Variants in NXPH2 observed in about 807,000 individuals in gnomAD.
NXPH2 encodes neurexophilin 2.
NXPH2 carries 5 observed loss-of-function variants against 19.8 expected under a neutral mutation model. The observed-to-expected ratio is 0.25, with a 90% CI of 0.13 to 0.53. The LOEUF (loss-of-function observed/expected upper bound fraction) is 0.53, where lower values mean the gene tolerates loss of function less well. Among genes scored for constraint, NXPH2 ranks in the 20% least tolerant of loss-of-function variants. The pLI, the probability that NXPH2 is intolerant of heterozygous loss-of-function variation, is 0.96. For missense variants in NXPH2, 289 were observed against 322.8 expected, an observed-to-expected ratio of 0.90 and a Z score of 0.80; for synonymous variants, 154 against 127.4, an observed-to-expected ratio of 1.21 and a Z score of -1.41.
At position 138,669,781 on chromosome 2, in the gene NXPH2, A is replaced by T. The variant is rs868279093; in HGVS notation, c.*1141T>A. 4.6e-5 allele frequency among the ~76,000 whole-genome samples: 7 copies of T among 152,232 alleles called. No individual in the cohort carries two copies. The highest frequency in any genetic ancestry group is 1.7e-4 in the African/African-American group (7 of 41,456). On this transcript the variant is annotated 3_prime_UTR_variant, in exon 2 of 2. Transcript: ENST00000272641. ...CACAGGGAAGATGAGAAGGGCACTG[A>T]CTGTGAAGTGACATTAATTTGAAAG...
intron 1 of NXPH2, among the ~76,000 whole-genome samples, chr2:138,713,247 T>C (rs1681132402): frequency 6.6e-6 from 1 of 152,180 alleles, no homozygotes; most frequent in South Asian, 2.1e-4. Context: ...TGACCTCCCT[T>C]GATTCAAGCA....
At chr2:138,716,364 T>G (rs1180338570) in intron 1 of NXPH2, among the ~76,000 whole-genome samples, 1 of 152,112 alleles carries the variant, frequency 6.6e-6, no homozygotes, top group Admixed American at 6.5e-5. Flanking sequence ...AAACTAGTGC[T>G]CTTATAAAAA....
chr2:138,677,765 T>C (rs1290594864), intron 1 of NXPH2, among the ~76,000 whole-genome samples: 1 of 152,226 alleles, frequency 6.6e-6, no homozygotes, highest in Admixed American at 6.5e-5. Context: ...CTGCAAACAT[T>C]ATATCAGAAG....
chr2:138,763,917 G>C (rs1261402920), intron 1 of NXPH2, among the ~76,000 whole-genome samples: 1 of 152,088 alleles, frequency 6.6e-6, no homozygotes, highest in South Asian at 2.1e-4. Context: ...TCTCTCAATA[G>C]TTCATTCATT....
chr2:138,707,667 T>C (rs1681038464), intron 1 of NXPH2, among the ~76,000 whole-genome samples: 1 of 152,206 alleles, frequency 6.6e-6, no homozygotes, highest in South Asian at 2.1e-4. Flanking sequence ...GCCATATTGA[T>C]GACTCACAAC....
At chr2:138,732,263 T>C (rs1681464071) in intron 1 of NXPH2, among the ~76,000 whole-genome samples, 1 of 152,142 alleles carries the variant, frequency 6.6e-6, no homozygotes. Flanking sequence ...GTTTTTTGAA[T>C]CCAGTAGAGA....
At chr2:138,767,069 C>T (rs1682103304) in intron 1 of NXPH2, among the ~76,000 whole-genome samples, 1 of 152,250 alleles carries the variant, frequency 6.6e-6, no homozygotes, top group South Asian at 2.1e-4. Context: ...ATTACCTTCA[C>T]CTCCAAATTT....
At chr2:138,711,145 C>CTTTTTTT (rs397766605) in intron 1 of NXPH2, among the ~76,000 whole-genome samples, 1 of 91,088 alleles carries the variant, frequency 1.1e-5, no homozygotes, top group African/African-American at 4.0e-5. Flanking sequence ...ATTTCTATCA[C>CTTTTTTT]TTTTTTTTTT....
chr2:138,686,329 C>T (rs893767682), intron 1 of NXPH2, among the ~76,000 whole-genome samples: 4 of 152,164 alleles, frequency 2.6e-5, no homozygotes, highest in Non-Finnish European at 4.4e-5. Context: ...TTCAACAGGA[C>T]TGTCCTGGAA....
At chr2:138,758,848 G>A (rs75877060) in intron 1 of NXPH2, among the ~76,000 whole-genome samples, 262 of 152,248 alleles carry the variant, frequency 1.7e-3, no homozygotes, top group African/African-American at 5.8e-3. Context: ...CCAATCTTCT[G>A]AAAAATGAGA....
At chr2:138,701,811 C>T (rs1680927111) in intron 1 of NXPH2, among the ~76,000 whole-genome samples, 1 of 152,168 alleles carries the variant, frequency 6.6e-6, no homozygotes, top group African/African-American at 2.4e-5. Context: ...CAGAAACTTG[C>T]CTCATTCATC....
intron 1 of NXPH2, among the ~76,000 whole-genome samples, chr2:138,722,022 A>ATGCTAGC (rs1280574449): frequency 6.6e-6 from 1 of 152,218 alleles, no homozygotes; most frequent in Non-Finnish European, 1.5e-5. Flanking sequence ...TGGGAGTTGA[A>ATGCTAGC]TGCTAGCTGC....
chr2:138,732,516 T>C (rs566445900), intron 1 of NXPH2, among the ~76,000 whole-genome samples: 199 of 152,288 alleles, frequency 1.3e-3, no homozygotes, highest in African/African-American at 4.4e-3. Flanking sequence ...TGCACTTCCT[T>C]CCAAGTAAGG....
At chr2:138,676,509 A>T (rs1680486328) in intron 1 of NXPH2, among the ~76,000 whole-genome samples, 1 of 152,200 alleles carries the variant, frequency 6.6e-6, no homozygotes, top group South Asian at 2.1e-4. Context: ...ATAGGGAAGC[A>T]GCCTGATATG....
chr2:138,761,689 C>T (rs771389166), intron 1 of NXPH2, among the ~76,000 whole-genome samples: 1 of 152,178 alleles, frequency 6.6e-6, no homozygotes, highest in Non-Finnish European at 1.5e-5. Flanking sequence ...TCTCCCACCC[C>T]CAAAGTTCAC....
At chr2:138,757,955 T>G (rs907611687) in intron 1 of NXPH2, among the ~76,000 whole-genome samples, 3 of 152,108 alleles carry the variant, frequency 2.0e-5, no homozygotes, top group Non-Finnish European at 4.4e-5. Context: ...GGGATGGGAA[T>G]GCTGGCATGA....
chr2:138,708,421 A>G (rs1042316361), intron 1 of NXPH2, among the ~76,000 whole-genome samples: 1 of 152,214 alleles, frequency 6.6e-6, no homozygotes, highest in Non-Finnish European at 1.5e-5. Context: ...GATTGCCTAA[A>G]TCTAAAAATA....
intron 1 of NXPH2, among the ~76,000 whole-genome samples, chr2:138,705,593 C>A (rs569482931): frequency 6.6e-6 from 1 of 152,298 alleles, no homozygotes; most frequent in Non-Finnish European, 1.5e-5. Flanking sequence ...TTATTCTACA[C>A]TATCACTGCC....
At chr2:138,690,975 C>G (rs527312319) in intron 1 of NXPH2, among the ~76,000 whole-genome samples, 5 of 152,196 alleles carry the variant, frequency 3.3e-5, no homozygotes, top group African/African-American at 1.2e-4. Flanking sequence ...TAAACTCACA[C>G]AGGGATAGTT....
Sources: gnomAD v4.1 joint callset for allele counts (sites outside exome capture counted in the v4.1 genomes callset) on GRCh38, gnomAD v4.1.1 for gene constraint, MANE v1.5 for transcripts, NCBI Gene and HGNC (gene_info 2026-07-23, HGNC 2026-07-21) for gene names.